Variants in CSGALNACT1 observed in about 807,000 individuals in gnomAD.
CSGALNACT1 encodes beta4GalNAcT-1.
A neutral mutation model predicts 51.0 loss-of-function variants in CSGALNACT1; 52 were observed. The observed-to-expected ratio is 1.02, with a 90% CI of 0.82 to 1.29. The LOEUF (loss-of-function observed/expected upper bound fraction) is 1.29, where lower values mean the gene tolerates loss of function less well. CSGALNACT1 is among the 50% of genes most tolerant of loss of function. CSGALNACT1 has a pLI of 0.00. For synonymous variants in CSGALNACT1, 341 were observed against 254.4 expected, an observed-to-expected ratio of 1.34 and a Z score of -3.24; for missense variants, 935 against 679.2, an observed-to-expected ratio of 1.38 and a Z score of -4.19.
chr8:19,552,115 A>G (rs1392654304), intron 3 of CSGALNACT1, among the ~76,000 whole-genome samples: 3 of 152,226 alleles, frequency 2.0e-5, no homozygotes, highest in African/African-American at 7.2e-5. Flanking sequence ...GAGGATTTGG[A>G]AACTGGCTTA....
intron 5 of CSGALNACT1, among the ~76,000 whole-genome samples, chr8:19,443,187 C>T (rs1482684525): frequency 6.6e-6 from 1 of 152,188 alleles, no homozygotes; most frequent in African/African-American, 2.4e-5. Flanking sequence ...AGTGGCTAAC[C>T]TGGGAAGGTC....
intron 1 of CSGALNACT1, among the ~76,000 whole-genome samples, chr8:19,629,133 C>T (rs1219485037): frequency 6.6e-6 from 1 of 152,122 alleles, no homozygotes; most frequent in Non-Finnish European, 1.5e-5. Flanking sequence ...TAATTGCCAC[C>T]TTCTGTAAAG....
intron 3 of CSGALNACT1, among the ~76,000 whole-genome samples, chr8:19,537,014 T>C (rs143220403): frequency 6.6e-6 from 1 of 152,234 alleles, no homozygotes; most frequent in Non-Finnish European, 1.5e-5. Flanking sequence ...CAAACTGATC[T>C]CCTCTTGGCC....
exon 4 of CSGALNACT1, chr8:19,505,569 C>T: frequency 6.2e-7 from 1 of 1,614,002 alleles, no homozygotes. Flanking sequence ...CTGCTCACTC[C>T]TCTCCTGCAG....
chr8:19,462,205 G>C (rs1009252391), intron 4 of CSGALNACT1, among the ~76,000 whole-genome samples: 3 of 152,210 alleles, frequency 2.0e-5, no homozygotes, highest in African/African-American at 7.2e-5. Flanking sequence ...ACTGAAACAG[G>C]TCTCCCCGTG....
chr8:19,514,613 G>C (rs1413561698), intron 3 of CSGALNACT1, among the ~76,000 whole-genome samples: 1 of 148,576 alleles, frequency 6.7e-6, no homozygotes, highest in Admixed American at 6.7e-5. Context: ...TTGAGGTTAG[G>C]AGTTTGAGAC....
chr8:19,500,492 G>A (rs1168774425), intron 4 of CSGALNACT1, among the ~76,000 whole-genome samples: 1 of 152,100 alleles, frequency 6.6e-6, no homozygotes, highest in Non-Finnish European at 1.5e-5. Flanking sequence ...CTGACATAAG[G>A]ACCCATTTCC....
chr8:19,407,631 G>A (rs1259730558), intron 9 of CSGALNACT1, among the ~76,000 whole-genome samples: 3 of 152,128 alleles, frequency 2.0e-5, no homozygotes, highest in Non-Finnish European at 4.4e-5. Flanking sequence ...GGCCTGGGAG[G>A]ATCTCTTTCC....
chr8:19,408,496 T>C (rs1482728358), intron 9 of CSGALNACT1, 117 bp downstream of exon 8: 1 of 342,730 alleles, frequency 2.9e-6, no homozygotes, highest in African/African-American at 2.6e-5. Flanking sequence ...TTTTTTTTTT[T>C]TGAAGGCAAT....
At chr8:19,538,297 T>C (rs1052244104) in intron 3 of CSGALNACT1, among the ~76,000 whole-genome samples, 1 of 152,096 alleles carries the variant, frequency 6.6e-6, no homozygotes, top group East Asian at 1.9e-4. Context: ...TACTCCATCC[T>C]GTGTGACAGA....
intron 3 of CSGALNACT1, among the ~76,000 whole-genome samples, chr8:19,586,397 T>C: frequency 7.9e-6 from 1 of 126,028 alleles, no homozygotes; most frequent in African/African-American, 3.6e-5. Context: ...ACACGCACCG[T>C]AGTCTTATAG....
At position 19,646,271 on chromosome 8, in the gene CSGALNACT1, C is replaced by T. The variant is rs149905950; in HGVS notation, c.-544+36202G>A. ...GATCGTAAGAGAATTAGACAATGAC[C>T]TTGCCGAGAGAGAAAGAGACAAAGC... On this transcript the variant is annotated intron_variant, in intron 1 of 9. Coordinates refer to the CSGALNACT1 transcript ENST00000332246. 3.3e-5 allele frequency among the ~76,000 whole-genome samples: 5 copies of T among 152,230 alleles called. No homozygotes were observed. In the East Asian group the frequency reaches 9.6e-4, roughly 29 times the overall value.
intron 3 of CSGALNACT1, among the ~76,000 whole-genome samples, chr8:19,561,675 G>A (rs931199777): frequency 3.3e-5 from 5 of 152,220 alleles, no homozygotes. Context: ...GGGGCAGGGG[G>A]CATACAGAGA....
At chr8:19,469,823 C>G (rs2067687154) in intron 4 of CSGALNACT1, among the ~76,000 whole-genome samples, 1 of 152,176 alleles carries the variant, frequency 6.6e-6, no homozygotes, top group Admixed American at 6.5e-5. Flanking sequence ...GTGTTTACTG[C>G]TTATCTATGC....
intron 1 of CSGALNACT1, among the ~76,000 whole-genome samples, chr8:19,613,635 C>T (rs896745414): frequency 1.3e-5 from 2 of 152,224 alleles, no homozygotes; most frequent in Non-Finnish European, 2.9e-5. Flanking sequence ...TTTGTTCCTA[C>T]TGGAGCTCTT....
intron 3 of CSGALNACT1, among the ~76,000 whole-genome samples, chr8:19,534,806 A>G (rs1372692152): frequency 6.6e-6 from 1 of 152,250 alleles, no homozygotes; most frequent in Admixed American, 6.5e-5. Context: ...GCAGTTTGTT[A>G]GAACTAATCT....
At chr8:19,573,626 T>G (rs112311644) in intron 3 of CSGALNACT1, among the ~76,000 whole-genome samples, 4,000 of 152,176 alleles carry the variant, frequency 0.026, 170 homozygotes, top group African/African-American at 0.09. Flanking sequence ...GTATTTTTAG[T>G]AGATACAGGG....
intron 3 of CSGALNACT1, among the ~76,000 whole-genome samples, chr8:19,567,661 A>T (rs112317712): frequency 6.6e-6 from 1 of 152,242 alleles, no homozygotes; most frequent in Non-Finnish European, 1.5e-5. Context: ...ATGTGAAAAT[A>T]TAAGAATTAG....
At chr8:19,665,648 C>G (rs2059122330) in intron 1 of CSGALNACT1, among the ~76,000 whole-genome samples, 1 of 152,160 alleles carries the variant, frequency 6.6e-6, no homozygotes, top group African/African-American at 2.4e-5. Flanking sequence ...ACAGTCCACC[C>G]AGCACAGAAC....
Sources: gnomAD v4.1 joint callset for allele counts (sites outside exome capture counted in the v4.1 genomes callset) on GRCh38, gnomAD v4.1.1 for gene constraint, MANE v1.5 for transcripts, NCBI Gene and HGNC (gene_info 2026-07-23, HGNC 2026-07-21) for gene names.